The following FMN1 variants were observed in gnomAD, a reference collection of about 807,000 sequenced individuals.
FMN1 encodes the protein formin-1.
FMN1 carries 110 observed loss-of-function variants against 132.4 expected under a neutral mutation model. That is an observed-to-expected ratio of 0.83 (90% CI 0.71 to 0.97). The LOEUF is 0.97. Ranked by LOEUF, FMN1 falls within the 50% of genes least tolerant of loss-of-function variation. The probability of loss-of-function intolerance (pLI) is 0.00; values close to 1 mark genes in which losing one functional copy is unlikely to be tolerated. For synonymous variants in FMN1, 722 were observed against 651.7 expected, an observed-to-expected ratio of 1.11 and a Z score of -1.64; for missense variants, 1,792 against 1,705.3, an observed-to-expected ratio of 1.05 and a Z score of -0.90.
chr15:32,815,360 C>T (rs924914644), intron 17 of FMN1, among the ~76,000 whole-genome samples: 2 of 152,100 alleles, frequency 1.3e-5, no homozygotes, highest in African/African-American at 4.8e-5. Flanking sequence ...GAAAGCACCT[C>T]ATGTTAATTT....
intron 3 of FMN1, among the ~76,000 whole-genome samples, chr15:33,174,289 T>C (rs1250605851): frequency 1.3e-5 from 2 of 152,220 alleles, no homozygotes; most frequent in Non-Finnish European, 2.9e-5. Flanking sequence ...TGATGACTAA[T>C]TGACAGAAAT....
intron 4 of FMN1, among the ~76,000 whole-genome samples, chr15:33,096,798 T>C (rs2039102167): frequency 1.3e-5 from 2 of 152,250 alleles, no homozygotes; most frequent in South Asian, 4.1e-4. Flanking sequence ...ATTTTGGTTT[T>C]ACCATTTTGC....
chr15:32,910,923 A>G (rs2060546202), intron 10 of FMN1, among the ~76,000 whole-genome samples: 2 of 152,246 alleles, frequency 1.3e-5, no homozygotes, highest in Non-Finnish European at 2.9e-5. Flanking sequence ...ACTCTTGCCC[A>G]TTACCAGAAA....
At chr15:33,080,527 CG>C (rs1272313228) in intron 5 of FMN1, among the ~76,000 whole-genome samples, 2 of 152,134 alleles carry the variant, frequency 1.3e-5, no homozygotes, top group Admixed American at 1.3e-4. Context: ...CCAAGGCGGA[CG>C]GATCACCTGA....
chr15:33,076,563 T>C (rs998634237), intron 5 of FMN1, among the ~76,000 whole-genome samples: 1 of 152,182 alleles, frequency 6.6e-6, no homozygotes, highest in Admixed American at 6.5e-5. Flanking sequence ...GGAGCATGCA[T>C]GCTGTTCCAA....
At chr15:33,043,050 T>C (rs2036513908) in intron 6 of FMN1, among the ~76,000 whole-genome samples, 1 of 152,234 alleles carries the variant, frequency 6.6e-6, no homozygotes, top group Non-Finnish European at 1.5e-5. Context: ...TATGATGATT[T>C]TTCAGGTTTA....
intron 10 of FMN1, among the ~76,000 whole-genome samples, chr15:32,920,321 G>C (rs1458646208): frequency 6.6e-6 from 1 of 152,136 alleles, no homozygotes. Context: ...CCAGCAGTAA[G>C]TAGATTACTT....
At chr15:33,104,998 G>T (rs1259881285) in intron 4 of FMN1, among the ~76,000 whole-genome samples, 1 of 152,144 alleles carries the variant, frequency 6.6e-6, no homozygotes, top group African/African-American at 2.4e-5. Flanking sequence ...AGCTCTGAGA[G>T]GTGGTGGAGA....
chr15:33,065,804 C>G (rs1016988337), intron 5 of FMN1, among the ~76,000 whole-genome samples: 24 of 152,168 alleles, frequency 1.6e-4, no homozygotes, highest in Non-Finnish European at 3.2e-4. Context: ...TGGACAGGTA[C>G]TTGCTCATCT....
At chr15:32,924,207 A>G (rs1345847539) in intron 10 of FMN1, among the ~76,000 whole-genome samples, 1 of 152,280 alleles carries the variant, frequency 6.6e-6, no homozygotes, top group South Asian at 2.1e-4. Flanking sequence ...AGGCCTATTT[A>G]GCCACCCTCT....
intron 9 of FMN1, among the ~76,000 whole-genome samples, chr15:32,957,448 CA>C (rs931568704): frequency 2.0e-5 from 3 of 151,662 alleles, no homozygotes; most frequent in Admixed American, 2.0e-4. Flanking sequence ...GACATATTGA[CA>C]GGGGAAACTC....
chr15:32,951,768 G>A (rs2061659318), intron 9 of FMN1, among the ~76,000 whole-genome samples: 1 of 152,140 alleles, frequency 6.6e-6, no homozygotes, highest in Non-Finnish European at 1.5e-5. Context: ...TGAGAAAACT[G>A]TACGAAGGGG....
chr15:32,939,307 T>C (rs2061349856), intron 9 of FMN1, among the ~76,000 whole-genome samples: 1 of 152,166 alleles, frequency 6.6e-6, no homozygotes, highest in South Asian at 2.1e-4. Context: ...ACAACCTCCT[T>C]ACCCAGATAT....
At chr15:32,984,533 GA>G (rs2032928650) in intron 7 of FMN1, among the ~76,000 whole-genome samples, 1 of 152,054 alleles carries the variant, frequency 6.6e-6, no homozygotes, top group Non-Finnish European at 1.5e-5. Flanking sequence ...AAACTCAGAA[GA>G]AACTTCACAA....
chr15:32,897,959 C>G (rs1419059299), intron 15 of FMN1, among the ~76,000 whole-genome samples: 2 of 152,120 alleles, frequency 1.3e-5, no homozygotes, highest in Non-Finnish European at 2.9e-5. Context: ...ATATTCTTAA[C>G]AGAAATCAGG....
At chr15:32,779,830 T>G (rs2140888979) in intron 19 of FMN1, among the ~76,000 whole-genome samples, 1 of 152,314 alleles carries the variant, frequency 6.6e-6, no homozygotes, top group Non-Finnish European at 1.5e-5. Flanking sequence ...ATGCTGCTTA[T>G]GTACTGTATT....
At chr15:32,891,813 C>T (rs997335097) in intron 15 of FMN1, among the ~76,000 whole-genome samples, 3 of 151,902 alleles carry the variant, frequency 2.0e-5, no homozygotes, top group Non-Finnish European at 4.4e-5. Flanking sequence ...TATATATTTG[C>T]AGCTATTGTA....
intron 2 of FMN1, among the ~76,000 whole-genome samples, chr15:33,192,415 C>T (rs1489235422): frequency 6.6e-6 from 1 of 152,202 alleles, no homozygotes; most frequent in Non-Finnish European, 1.5e-5. Flanking sequence ...TTGGCCAAAG[C>T]ATTTGGTCTA....
rs149066351 is a variant in FMN1, at chr15:32,855,148, C to T, written c.3928+1867G>A. On this transcript the variant is annotated intron_variant, in intron 17 of 20. Coordinates refer to ENST00000616417, the MANE Select transcript of FMN1 (RefSeq NM_001277313.2). ...CTATCTGGGTTCCACACTGGAATTA[C>T]GTGGAGAGTAAAAAAAAAAAAAAAA... Among the ~76,000 whole-genome samples the T allele has an allele frequency of 6.5e-3, 698 of 108,208 alleles. 4 individuals carry two copies. Among genetic ancestry groups the T allele is most frequent in the South Asian group, 0.014 (46 of 3,278 alleles). 71.0% of individuals were successfully genotyped at this position (108,208 alleles called of 152,430 possible).
Sources: allele counts gnomAD v4.1 joint callset (sites outside exome capture counted in the v4.1 genomes callset), GRCh38; gene constraint gnomAD v4.1.1; transcripts MANE v1.5; gene names NCBI Gene and HGNC (gene_info 2026-07-23, HGNC 2026-07-21).